Variants in MGAT4C observed in about 807,000 individuals in gnomAD.
MGAT4C encodes alpha-1,3-mannosyl-glycoprotein 4-beta-N-acetylglucosaminyltransferase C.
Under a neutral mutation model 40.1 loss-of-function variants are expected in MGAT4C, and 19 were observed. That is an observed-to-expected ratio of 0.47 (90% CI 0.33 to 0.70). MGAT4C has a LOEUF of 0.70. Ranked by LOEUF, MGAT4C falls within the 30% of genes least tolerant of loss-of-function variation. The pLI is 0.02. For missense variants in MGAT4C, 491 were observed against 563.2 expected, an observed-to-expected ratio of 0.87 and a Z score of 1.30; for synonymous variants, 181 against 187.1, an observed-to-expected ratio of 0.97 and a Z score of 0.27.
At chr12:86,339,206 C>T (rs1359783071) in intron 3 of MGAT4C, among the ~76,000 whole-genome samples, 1 of 151,984 alleles carries the variant, frequency 6.6e-6, no homozygotes, top group African/African-American at 2.4e-5. Flanking sequence ...CACATGAATC[C>T]AAACCAGAGA....
At chr12:86,631,598 C>T (rs1351738743) in intron 2 of MGAT4C, among the ~76,000 whole-genome samples, 1 of 151,964 alleles carries the variant, frequency 6.6e-6, no homozygotes, top group African/African-American at 2.4e-5. Flanking sequence ...AGAAATAACA[C>T]CACACTTCTA....
chr12:86,590,524 G>C (rs1036696319), intron 2 of MGAT4C, among the ~76,000 whole-genome samples: 11 of 151,838 alleles, frequency 7.2e-5, no homozygotes, highest in African/African-American at 2.7e-4. Flanking sequence ...TAATTCCAAA[G>C]CTCTTTCAAA....
At chr12:86,416,064 G>T (rs1956705189) in intron 3 of MGAT4C, among the ~76,000 whole-genome samples, 2 of 151,994 alleles carry the variant, frequency 1.3e-5, no homozygotes, top group African/African-American at 2.4e-5. Flanking sequence ...TGTATAGAGG[G>T]ATATATGTAC....
At chr12:86,566,133 G>T (rs1301789407) in intron 2 of MGAT4C, among the ~76,000 whole-genome samples, 2 of 152,102 alleles carry the variant, frequency 1.3e-5, no homozygotes, top group Non-Finnish European at 2.9e-5. Context: ...ATTTGGGTTT[G>T]TCTATTGTGA....
At chr12:86,282,527 T>C (rs951656990) in intron 4 of MGAT4C, among the ~76,000 whole-genome samples, 7 of 152,070 alleles carry the variant, frequency 4.6e-5, no homozygotes, top group African/African-American at 1.4e-4. Context: ...CAAAATAAAA[T>C]ATTGAAACAG....
At chr12:86,599,576 A>T (rs926342794) in intron 2 of MGAT4C, 1 of 152,178 alleles carries the variant, frequency 6.6e-6, no homozygotes, top group Admixed American at 6.5e-5. Context: ...ATGGAGACTT[A>T]CATTGTTATA....
At position 86,635,140 on chromosome 12, in the gene MGAT4C, CTCTT is replaced by C. The variant is rs1477856327; in HGVS notation, c.-229+92065_-229+92068del. Reference sequence around the variant, plus strand: ...TACAAGTTTCCTTATAGTATTTTCTCTCTTTCTTTTTCTGCACCACTGATCACAG... The same window carrying C: ...TACAAGTTTCCTTATAGTATTTTCTCTCTTTTTCTGCACCACTGATCACAG... On this transcript the variant is annotated intron_variant, in intron 2 of 7. Transcript: ENST00000548651. Among the ~76,000 whole-genome samples, 6 of 152,200 alleles carry C rather than the reference CTCTT, an allele frequency of 3.9e-5. No individual in the cohort carries two copies. In the East Asian group the frequency reaches 1.2e-3, roughly 30 times the overall value.
chr12:86,115,693 G>T (rs557094420), intron 1 of MGAT4C, among the ~76,000 whole-genome samples: 6 of 152,100 alleles, frequency 3.9e-5, no homozygotes, highest in African/African-American at 1.4e-4. Context: ...GATGTCAAGA[G>T]TTCTGAAAAG....
chr12:86,596,806 A>T (rs1355388739), intron 2 of MGAT4C, among the ~76,000 whole-genome samples: 1 of 152,168 alleles, frequency 6.6e-6, no homozygotes, highest in Non-Finnish European at 1.5e-5. Context: ...TTTTGACCAA[A>T]ATGGGGGAAT....
intron 2 of MGAT4C, among the ~76,000 whole-genome samples, chr12:86,526,964 A>G (rs1162382941): frequency 1.3e-5 from 2 of 152,142 alleles, no homozygotes; most frequent in Non-Finnish European, 2.9e-5. Flanking sequence ...GGGGCCAGGA[A>G]CGAGTCCCAG....
chr12:86,814,063 G>A (rs930508090), intron 1 of MGAT4C, among the ~76,000 whole-genome samples: 1 of 151,450 alleles, frequency 6.6e-6, no homozygotes, highest in Non-Finnish European at 1.5e-5. Flanking sequence ...GGTGCACACT[G>A]CCACGCCTGG....
At chr12:86,571,404 AGT>A (rs1010140477) in intron 2 of MGAT4C, among the ~76,000 whole-genome samples, 4 of 151,844 alleles carry the variant, frequency 2.6e-5, no homozygotes, top group Non-Finnish European at 4.4e-5. Context: ...GGTATACATA[AGT>A]GTGTATATAT....
At chr12:86,369,842 T>C (rs1955683435) in intron 3 of MGAT4C, among the ~76,000 whole-genome samples, 1 of 152,038 alleles carries the variant, frequency 6.6e-6, no homozygotes, top group Non-Finnish European at 1.5e-5. Context: ...TTTATATGTA[T>C]AGCATTTTAT....
intron 1 of MGAT4C, among the ~76,000 whole-genome samples, chr12:86,072,933 T>C (rs1868856000): frequency 6.6e-6 from 1 of 152,184 alleles, no homozygotes; most frequent in Non-Finnish European, 1.5e-5. Flanking sequence ...TATTGTGATT[T>C]TGGAACACAC....
chr12:86,786,949 C>A (rs928123228), intron 1 of MGAT4C, among the ~76,000 whole-genome samples: 1 of 151,964 alleles, frequency 6.6e-6, no homozygotes, highest in Non-Finnish European at 1.5e-5. Context: ...ATAAGTTCAC[C>A]CTTTGATTAT....
intron 2 of MGAT4C, among the ~76,000 whole-genome samples, chr12:86,027,249 A>G (rs191137726): frequency 6.6e-6 from 1 of 152,070 alleles, no homozygotes; most frequent in East Asian, 1.9e-4. Context: ...TCTTCTGATA[A>G]CTAAACTTTT....
intron 1 of MGAT4C, among the ~76,000 whole-genome samples, chr12:86,835,435 G>A (rs950828249): frequency 5.3e-5 from 8 of 151,838 alleles, no homozygotes; most frequent in Admixed American, 2.0e-4. Context: ...TTCCTTGAGG[G>A]ATGGATTGGT....
intron 1 of MGAT4C, among the ~76,000 whole-genome samples, chr12:86,188,964 G>C (rs546254954): frequency 6.6e-6 from 1 of 151,958 alleles, no homozygotes; most frequent in Admixed American, 6.6e-5. Context: ...TTTAAAATAA[G>C]AGTGGTTAGG....
At chr12:86,014,099 T>C (rs957567646) in intron 2 of MGAT4C, among the ~76,000 whole-genome samples, 1 of 152,208 alleles carries the variant, frequency 6.6e-6, no homozygotes, top group Non-Finnish European at 1.5e-5. Flanking sequence ...GCTAAGTTTA[T>C]AGCTTCTATT....
Sources: allele counts gnomAD v4.1 joint callset (sites outside exome capture counted in the v4.1 genomes callset), GRCh38; gene constraint gnomAD v4.1.1; transcripts MANE v1.5; gene names NCBI Gene and HGNC (gene_info 2026-07-23, HGNC 2026-07-21).